Variants in C8orf34 observed in about 807,000 individuals in gnomAD.
C8orf34 encodes chromosome 8 open reading frame 34, also known as uncharacterized protein C8orf34.
In C8orf34, 65 loss-of-function variants were observed where a neutral mutation model predicts 68.3. The observed-to-expected ratio is 0.95, with a 90% confidence interval of 0.78 to 1.17. The LOEUF (loss-of-function observed/expected upper bound fraction) is 1.17, where lower values mean the gene tolerates loss of function less well. Ranked by LOEUF, C8orf34 falls within the 50% of genes most tolerant of loss-of-function variation. The pLI, the probability that C8orf34 is intolerant of heterozygous loss-of-function variation, is 0.00. For synonymous variants in C8orf34, 244 were observed against 241.2 expected, an observed-to-expected ratio of 1.01 and a Z score of -0.11; for missense variants, 664 against 655.4, an observed-to-expected ratio of 1.01 and a Z score of -0.14.
At chr8:68,791,837 G>A (rs1340983926) in intron 12 of C8orf34, 3 of 152,122 alleles carry the variant, frequency 2.0e-5, no homozygotes, top group Non-Finnish European at 2.9e-5. Context: ...ACTGACTCAG[G>A]TATAAAAAGG....
chr8:68,640,590 C>A, intron 8 of C8orf34, 79 bp downstream of exon 8: 1 of 1,374,100 alleles, frequency 7.3e-7, no homozygotes, highest in Non-Finnish European at 1.0e-6. Context: ...AAAGATTGTA[C>A]TCTTCTGTGT....
At position 68,739,498 on chromosome 8, in the gene C8orf34, A is replaced by C. The variant is rs182127780; in HGVS notation, c.1404+18061A>C. ...CAAAATCCCATTCACAGTTGCCACA[A>C]AAAAAAATAAAATACCTAAGAATAC... On this transcript the variant is annotated intron_variant, in intron 10 of 13. Transcript: ENST00000518698. 5.4e-3 allele frequency among the ~76,000 whole-genome samples: 824 copies of C among 151,984 alleles called. 7 individuals are homozygous for C. Among genetic ancestry groups the C allele is most frequent in the African/African-American group, 0.018 (740 of 41,496 alleles).
chr8:68,779,661 G>A (rs16935038), intron 11 of C8orf34, among the ~76,000 whole-genome samples: 9,478 of 152,166 alleles, frequency 0.062, 528 homozygotes, highest in East Asian at 0.3. Flanking sequence ...CTCCTGTGTA[G>A]TATTCTGCTC....
intron 10 of C8orf34, among the ~76,000 whole-genome samples, chr8:68,763,408 C>A (rs1277642968): frequency 2.2e-4 from 33 of 152,182 alleles, no homozygotes; most frequent in Non-Finnish European, 7.3e-5. Context: ...CTGACAGTGT[C>A]TTTGTGGTAG....
chr8:68,397,923 C>T (rs1182775825), intron 1 of C8orf34, among the ~76,000 whole-genome samples: 1 of 152,016 alleles, frequency 6.6e-6, no homozygotes, highest in East Asian at 1.9e-4. Flanking sequence ...TGTGCACCAA[C>T]ACACCCAGCC....
At chr8:68,673,273 C>T (rs1447837648) in intron 8 of C8orf34, among the ~76,000 whole-genome samples, 1 of 151,802 alleles carries the variant, frequency 6.6e-6, no homozygotes, top group Non-Finnish European at 1.5e-5. Flanking sequence ...TGTTTTTCAG[C>T]TTAAGTACCA....
At chr8:68,535,307 T>C (rs1345445132) in intron 7 of C8orf34, 1 of 981,876 alleles carries the variant, frequency 1.0e-6, no homozygotes, top group Non-Finnish European at 1.2e-6. Context: ...CTACATTTTG[T>C]AGATGTGTGT....
chr8:68,470,840 C>T (rs975403547), intron 4 of C8orf34, among the ~76,000 whole-genome samples: 1 of 152,050 alleles, frequency 6.6e-6, no homozygotes, highest in Non-Finnish European at 1.5e-5. Context: ...GTCCTAATTA[C>T]CTCCCAGGCT....
rs1050804688 is a variant in C8orf34 at position 68,577,895 on chromosome 8, G to GA, written c.1105+44756dup. ...AAGAAAATATTTAGCATACAAACAC[G>GA]AAAAAAAAAATGCTGAAATGTGAAC... On this transcript the variant is annotated intron_variant, in intron 7 of 13. Coordinates refer to ENST00000518698, the MANE Select transcript of C8orf34 (RefSeq NM_052958.4). 1.3e-3 allele frequency among the ~76,000 whole-genome samples: 194 copies of GA among 147,998 alleles called. 1 individual carries two copies. In the Middle Eastern group the frequency reaches 0.021, roughly 16 times the overall value.
At chr8:68,787,073 A>C (rs1823865645) in intron 11 of C8orf34, among the ~76,000 whole-genome samples, 1 of 152,218 alleles carries the variant, frequency 6.6e-6, no homozygotes, top group African/African-American at 2.4e-5. Flanking sequence ...CTTCATTCTC[A>C]TTAAAGGGAA....
intron 10 of C8orf34, among the ~76,000 whole-genome samples, chr8:68,772,683 TTCCCTCCC>T (rs577645630): frequency 2.6e-4 from 40 of 151,550 alleles, no homozygotes; most frequent in Middle Eastern, 3.4e-3. Context: ...CTTTCTTTCT[TTCCCTCCC>T]TCCCTCCCTC....
intron 4 of C8orf34, among the ~76,000 whole-genome samples, chr8:68,478,031 A>C (rs1412995757): frequency 2.0e-5 from 3 of 152,132 alleles, no homozygotes; most frequent in Non-Finnish European, 4.4e-5. Flanking sequence ...CATGCCCTGG[A>C]GACATTTTCC....
At chr8:68,335,703 A>T (rs1563628421) in intron 1 of C8orf34, among the ~76,000 whole-genome samples, 1 of 152,192 alleles carries the variant, frequency 6.6e-6, no homozygotes, top group Non-Finnish European at 1.5e-5. Flanking sequence ...GTGACCCAAA[A>T]TTCAATTCAA....
At chr8:68,669,933 G>A (rs1819955167) in intron 8 of C8orf34, among the ~76,000 whole-genome samples, 1 of 152,156 alleles carries the variant, frequency 6.6e-6, no homozygotes, top group Non-Finnish European at 1.5e-5. Context: ...GTTGAAGACA[G>A]TAACATGAAT....
chr8:68,730,219 G>A (rs1821941650), intron 10 of C8orf34, among the ~76,000 whole-genome samples: 1 of 152,108 alleles, frequency 6.6e-6, no homozygotes, highest in African/African-American at 2.4e-5. Flanking sequence ...TTTGTCCCTT[G>A]AAAGATAGTG....
intron 1 of C8orf34, among the ~76,000 whole-genome samples, chr8:68,426,981 CA>C (rs1175076533): frequency 1.3e-5 from 2 of 152,038 alleles, no homozygotes; most frequent in African/African-American, 2.4e-5. Flanking sequence ...ATAAGCACAT[CA>C]GGGGGCATTC....
intron 1 of C8orf34, among the ~76,000 whole-genome samples, chr8:68,344,358 A>G (rs571725330): frequency 7.9e-4 from 121 of 152,260 alleles, no homozygotes; most frequent in Non-Finnish European, 1.3e-3. Flanking sequence ...TAAAATAGTG[A>G]CAAAATTTTT....
chr8:68,789,793 T>C (rs1823941962), intron 12 of C8orf34, among the ~76,000 whole-genome samples: 1 of 152,202 alleles, frequency 6.6e-6, no homozygotes, highest in Non-Finnish European at 1.5e-5. Flanking sequence ...CTATTATAAC[T>C]ATGAATAACT....
rs543265129 is a variant in C8orf34, at chr8:68,805,721, A to C, written c.1550-10165A>C. Among the ~76,000 whole-genome samples, 3 of 152,298 alleles carry C rather than the reference A, an allele frequency of 2.0e-5. No individual in the cohort carries two copies. In the East Asian group the frequency reaches 5.8e-4, roughly 29 times the overall value. On this transcript the variant is annotated intron_variant, in intron 12 of 13. Transcript: ENST00000518698. ...TTTCATTATTTCTGTAATCACATAT[A>C]TCAGACAATTCTCTTCAAAAACAAC...
Sources: allele counts gnomAD v4.1 joint callset (sites outside exome capture counted in the v4.1 genomes callset), GRCh38; gene constraint gnomAD v4.1.1; transcripts MANE v1.5; gene names NCBI Gene and HGNC (gene_info 2026-07-23, HGNC 2026-07-21).